The following IL6ST variants were observed in gnomAD, a reference collection of about 807,000 sequenced individuals.
IL6ST encodes interleukin 6 cytokine family signal transducer.
IL6ST carries 24 observed loss-of-function variants against 91.3 expected under a neutral mutation model. The observed-to-expected ratio is 0.26, with a 90% CI of 0.19 to 0.37. The LOEUF is 0.37. Ranked by LOEUF, IL6ST falls within the 10% of genes least tolerant of loss-of-function variation. The pLI is 1.00. For missense variants in IL6ST, 914 were observed against 1,078.5 expected, an observed-to-expected ratio of 0.85 and a Z score of 2.14; for synonymous variants, 351 against 373.6, an observed-to-expected ratio of 0.94 and a Z score of 0.70.
At chr5:55,974,988 CATAA>C (rs1256853358) in intron 3 of IL6ST, among the ~76,000 whole-genome samples, 4 of 151,718 alleles carry the variant, frequency 2.6e-5, no homozygotes, top group South Asian at 4.2e-4. Flanking sequence ...CACACGTACA[CATAA>C]ATATTTTTAC....
At chr5:55,964,998 G>A (rs570775713) in intron 5 of IL6ST, among the ~76,000 whole-genome samples, 1 of 152,206 alleles carries the variant, frequency 6.6e-6, no homozygotes, top group East Asian at 1.9e-4. Context: ...AGACTTTTCT[G>A]AACAAGCCTT....
intron 5 of IL6ST, among the ~76,000 whole-genome samples, chr5:55,966,953 GA>G (rs35331682): frequency 0.21 from 30,367 of 145,834 alleles, 4,539 homozygotes; most frequent in African/African-American, 0.43. Context: ...TTTTTTTGGG[GA>G]AAAAAAAAAA....
At chr5:55,963,033 C>A (rs137878158) in intron 7 of IL6ST, among the ~76,000 whole-genome samples, 1 of 150,980 alleles carries the variant, frequency 6.6e-6, no homozygotes, top group Non-Finnish European at 1.5e-5. Flanking sequence ...CACTTAAGCT[C>A]GAGTTCAAAA....
intron 1 of IL6ST, among the ~76,000 whole-genome samples, chr5:55,993,752 T>G (rs988593122): frequency 6.6e-6 from 1 of 152,214 alleles, no homozygotes; most frequent in Non-Finnish European, 1.5e-5. Flanking sequence ...AAATGTAATA[T>G]TTCAGTTCAT....
rs75976988 is a variant in IL6ST at position 55,935,101 on chromosome 5, T to G, written c.*5981A>C. 1.9e-3 allele frequency: 318 copies of G among 170,336 alleles called. 1 individual carries two copies. Among genetic ancestry groups the G allele is most frequent in the East Asian group, 0.018 (174 of 9,432 alleles). 10.6% of individuals were successfully genotyped at this position (170,336 alleles called of 1,614,324 possible). On this transcript the variant is annotated 3_prime_UTR_variant, in exon 17 of 17. Coordinates refer to ENST00000381298, the MANE Select transcript of IL6ST (RefSeq NM_002184.4). ...GAAATACTTTACCTGAGGGTTTTGGTTTTTTTTTGGCTTTTATTTTTGTGT... is the reference window on the plus strand; with the variant it reads ...GAAATACTTTACCTGAGGGTTTTGGGTTTTTTTTGGCTTTTATTTTTGTGT...
rs1023459514 is a variant in IL6ST, at chr5:55,939,923, T to C, written c.*1159A>G. On this transcript the variant is annotated 3_prime_UTR_variant, in exon 17 of 17. Transcript: ENST00000381298. ...TTGCTAAGAACAAGATGTACATTTTTTGGGGTTCTGTTTTGTTTTGGCAAA... is the reference window on the plus strand; with the variant it reads ...TTGCTAAGAACAAGATGTACATTTTCTGGGGTTCTGTTTTGTTTTGGCAAA... The C allele has an allele frequency of 3.4e-5, 7 of 206,092 alleles. No individual in the cohort carries two copies. The highest frequency in any genetic ancestry group is 9.1e-5 in the African/African-American group (4 of 43,866). 12.8% of individuals were successfully genotyped at this position (206,092 alleles called of 1,614,324 possible). A position where few individuals can be genotyped will look rare whatever the true frequency, so the allele number is the denominator to read the frequency against.
rs1194827459 is a variant in IL6ST at position 55,940,840 on chromosome 5, G to A, written c.*242C>T. ...TGTTTTTCTTCAGTGCAAACATCCTGAAACAGCACAAAATCATTCAGCTAG... is the reference window on the plus strand; with the variant it reads ...TGTTTTTCTTCAGTGCAAACATCCTAAAACAGCACAAAATCATTCAGCTAG... On this transcript the variant is annotated 3_prime_UTR_variant, in exon 17 of 17. Transcript: ENST00000381298. 42 of 456,618 alleles carry A rather than the reference G, an allele frequency of 9.2e-5. No homozygotes were observed. Among genetic ancestry groups the A allele is most frequent in the Non-Finnish European group, 4.3e-5 (11 of 258,516 alleles). 28.3% of individuals were successfully genotyped at this position (456,618 alleles called of 1,614,324 possible). A position where few individuals can be genotyped will look rare whatever the true frequency, so the allele number is the denominator to read the frequency against.
At chr5:55,977,377 G>A (rs968248800) in intron 2 of IL6ST, among the ~76,000 whole-genome samples, 10 of 152,022 alleles carry the variant, frequency 6.6e-5, no homozygotes, top group Admixed American at 2.6e-4. Flanking sequence ...ACAGGCATGT[G>A]CCTCAGAAAT....
intron 3 of IL6ST, among the ~76,000 whole-genome samples, chr5:55,971,592 C>T (rs1752965955): frequency 6.6e-6 from 1 of 152,044 alleles, no homozygotes. Flanking sequence ...TGGGTAGTTA[C>T]CCATGAAGTG....
chr5:55,992,512 G>A (rs906654875), intron 1 of IL6ST, among the ~76,000 whole-genome samples: 5 of 152,148 alleles, frequency 3.3e-5, no homozygotes, highest in Non-Finnish European at 5.9e-5. Flanking sequence ...ATAATATTAT[G>A]AAGATTAAAT....
chr5:55,976,339 T>C, intron 2 of IL6ST, 46 bp from the exon 3 acceptor site: 1 of 1,040,290 alleles, frequency 9.6e-7, no homozygotes, highest in Non-Finnish European at 1.4e-6. Context: ...TTTTCTCTTA[T>C]ATACACATAA....
At position 55,994,952 on chromosome 5, in the gene IL6ST, ACT is replaced by A. The variant is rs943397262; in HGVS notation, c.-274_-273del. 6.6e-6 allele frequency: 1 copy of A among 152,042 alleles called. No homozygotes were observed. The highest frequency in any genetic ancestry group is 1.5e-5 in the Non-Finnish European group (1 of 68,010). The allele number at this position is 152,042 out of a possible 1,614,324, so 9.4% of individuals were successfully genotyped here. On this transcript the variant is annotated 5_prime_UTR_variant, in exon 1 of 17. Transcript: ENST00000381298. The stretch of plus-strand genomic sequence containing the variant: ...TGGCTGCTCGCCCCGGCTCCGGAAC[ACT>A]GTCAGATCCTTCTCCGCAGAGGTAG...
chr5:55,950,293 T>C (rs1751544528), intron 14 of IL6ST: 2 of 428,340 alleles, frequency 4.7e-6, no homozygotes, highest in South Asian at 1.7e-5. Flanking sequence ...TCCCAGCACT[T>C]TGGGAGGCCG....
chr5:55,976,393 A>G (rs984190199), intron 2 of IL6ST, 100 bp from the exon 3 acceptor site: 5 of 533,058 alleles, frequency 9.4e-6, no homozygotes, highest in African/African-American at 7.9e-5. Flanking sequence ...GTGTTTCTAA[A>G]AGGTGGTAAA....
At chr5:55,956,861 C>T (rs886094185) in intron 9 of IL6ST, among the ~76,000 whole-genome samples, 11 of 152,136 alleles carry the variant, frequency 7.2e-5, no homozygotes, top group South Asian at 4.1e-4. Flanking sequence ...TAATACCATA[C>T]AAAATGTATT....
intron 8 of IL6ST, among the ~76,000 whole-genome samples, chr5:55,959,889 A>T (rs1281008642): frequency 1.4e-5 from 2 of 145,360 alleles, no homozygotes; most frequent in Non-Finnish European, 3.0e-5. Context: ...TCCATGATGA[A>T]TTTTTTTTTT....
chr5:55,993,633 T>C (rs1350668562), intron 1 of IL6ST, among the ~76,000 whole-genome samples: 1 of 152,214 alleles, frequency 6.6e-6, no homozygotes, highest in Non-Finnish European at 1.5e-5. Flanking sequence ...TTTGACACTT[T>C]CTCCTTCCTG....
In IL6ST at chr5:55,940,058, T is replaced by TGAA. The variant is rs1352127936; in HGVS notation, c.*1021_*1023dup. 1 of 197,478 alleles carries TGAA rather than the reference T, an allele frequency of 5.1e-6. No homozygotes were observed. The highest frequency in any genetic ancestry group is 1.1e-5 in the Non-Finnish European group (1 of 95,122). 12.2% of individuals were successfully genotyped at this position (197,478 alleles called of 1,614,324 possible). On this transcript the variant is annotated 3_prime_UTR_variant, in exon 17 of 17. Transcript: ENST00000381298. ...AAAAATACTCAAAACAAATTTAAGC[T>TGAA]GAAGATATATACTGTATAAAGTGTT...
rs1343559048 is a variant in IL6ST at position 55,957,237 on chromosome 5, C to T, written c.1028G>A (p.Gly343Asp). Reference sequence around the variant, plus strand: ...CCACACGAGTTGTACAGTTCTGTAGCCTTGAGTATGGGATGGATCTATTTT... The same window carrying T: ...CCACACGAGTTGTACAGTTCTGTAGTCTTGAGTATGGGATGGATCTATTTT... Reference protein sequence around the residue: ...WYKIDPSHTQGYRTVQLVWKT... With the variant: ...WYKIDPSHTQDYRTVQLVWKT... The change falls in exon 9 of 17, where the codon GGC becomes GAC. Residue 343 changes from glycine to aspartate, a missense_variant. Coordinates refer to ENST00000381298, the MANE Select transcript of IL6ST (RefSeq NM_002184.4). 4 of 1,565,170 alleles carry T rather than the reference C, an allele frequency of 2.6e-6. No individual in the cohort carries two copies. The highest frequency in any genetic ancestry group is 3.5e-6 in the Non-Finnish European group (4 of 1,149,822).
Sources: allele counts gnomAD v4.1 joint callset (sites outside exome capture counted in the v4.1 genomes callset), GRCh38; gene constraint gnomAD v4.1.1; transcripts MANE v1.5; gene names NCBI Gene and HGNC (gene_info 2026-07-23, HGNC 2026-07-21).